The following CCSER1 variants were observed in gnomAD, a reference collection of about 807,000 sequenced individuals.
CCSER1 encodes the protein coiled-coil serine rich protein 1.
CCSER1 carries 41 observed loss-of-function variants against 82.0 expected under a neutral mutation model. The ratio of observed to expected loss-of-function variants is 0.50; its 90% CI spans 0.39 to 0.65. CCSER1 has a LOEUF of 0.65. Ranked by LOEUF, CCSER1 falls within the 30% of genes least tolerant of loss-of-function variation. CCSER1 has a pLI of 0.00. For synonymous variants in CCSER1, 414 were observed against 383.9 expected (o/e 1.08, Z -0.92); for missense variants, 1,119 against 1,064.2 (o/e 1.05, Z -0.72).
At chr4:91,413,052 C>T (rs1268446324) in intron 10 of CCSER1, among the ~76,000 whole-genome samples, 1 of 151,862 alleles carries the variant, frequency 6.6e-6, no homozygotes, top group East Asian at 1.9e-4. Flanking sequence ...GAAACCCAAA[C>T]AGAAATCCTG....
At chr4:90,524,424 G>A (rs1455221436) in intron 5 of CCSER1, among the ~76,000 whole-genome samples, 1 of 152,116 alleles carries the variant, frequency 6.6e-6, no homozygotes, top group Non-Finnish European at 1.5e-5. Context: ...AGTACCTTGT[G>A]TCTAATTCTT....
chr4:91,440,466 A>G (rs1206353522), intron 10 of CCSER1, among the ~76,000 whole-genome samples: 1 of 152,240 alleles, frequency 6.6e-6, no homozygotes, highest in Non-Finnish European at 1.5e-5. Flanking sequence ...ACACGTTCAA[A>G]GCAGTGTGTA....
chr4:90,943,542 G>A (rs888362852), intron 9 of CCSER1, among the ~76,000 whole-genome samples: 11 of 151,862 alleles, frequency 7.2e-5, no homozygotes, highest in African/African-American at 2.2e-4. Context: ...TACTCTAAAA[G>A]GGAGAGAGAC....
chr4:90,801,454 C>T (rs976646407), intron 7 of CCSER1, among the ~76,000 whole-genome samples: 8 of 152,118 alleles, frequency 5.3e-5, no homozygotes, highest in South Asian at 2.1e-4. Context: ...AGATTTATAT[C>T]GGTAAGAATT....
chr4:90,663,795 C>A, intron 6 of CCSER1: 1 of 231,618 alleles, frequency 4.3e-6, no homozygotes, highest in Non-Finnish European at 9.7e-6. Flanking sequence ...CTATTAGTTC[C>A]ATCTGTATGA....
At chr4:91,088,898 T>A (rs1436611537) in intron 10 of CCSER1, among the ~76,000 whole-genome samples, 1 of 152,142 alleles carries the variant, frequency 6.6e-6, no homozygotes, top group Non-Finnish European at 1.5e-5. Context: ...GTTACTGTAA[T>A]TTTTCTTAAA....
At position 90,247,407 on chromosome 4, in the gene CCSER1, A is replaced by G. The variant is rs377272386; in HGVS notation, c.-41-60837A>G. On this transcript the variant is annotated intron_variant, in intron 1 of 10. Coordinates refer to ENST00000509176, the MANE Select transcript of CCSER1 (RefSeq NM_001145065.2). ...TCACAACAATATCGGAATAATATAG[A>G]TAGAAAATATAACAAGAAAATATAT... 4.5e-4 allele frequency among the ~76,000 whole-genome samples: 69 copies of G among 152,294 alleles called. 1 individual carries two copies. The South Asian group carries it at 0.013, about 28-fold the overall frequency.
chr4:90,598,241 A>G (rs752889967), intron 5 of CCSER1, among the ~76,000 whole-genome samples: 20 of 151,924 alleles, frequency 1.3e-4, no homozygotes, highest in Non-Finnish European at 2.4e-4. Context: ...GGCTGCACCA[A>G]TTTATTTTTT....
chr4:91,460,316 G>A (rs991848887), intron 10 of CCSER1, among the ~76,000 whole-genome samples: 1 of 151,984 alleles, frequency 6.6e-6, no homozygotes, highest in Non-Finnish European at 1.5e-5. Context: ...GTCTCTTGTT[G>A]GATTTTCGGC....
intron 1 of CCSER1, among the ~76,000 whole-genome samples, chr4:90,183,274 C>A (rs1269883861): frequency 1.3e-5 from 2 of 152,112 alleles, no homozygotes; most frequent in African/African-American, 4.8e-5. Context: ...CTATGACCTC[C>A]AAACACACAC....
At chr4:91,443,561 G>A (rs1755348231) in intron 10 of CCSER1, among the ~76,000 whole-genome samples, 1 of 149,882 alleles carries the variant, frequency 6.7e-6, no homozygotes, top group South Asian at 2.1e-4. Flanking sequence ...GCTAAATGAT[G>A]AGTTAATGGG....
chr4:90,851,883 T>C (rs1763936208), intron 8 of CCSER1, among the ~76,000 whole-genome samples: 1 of 152,202 alleles, frequency 6.6e-6, no homozygotes, highest in African/African-American at 2.4e-5. Context: ...TCCTCAGTTT[T>C]TTAATTTGCC....
intron 1 of CCSER1, among the ~76,000 whole-genome samples, chr4:90,174,244 G>A (rs1181423579): frequency 6.6e-6 from 1 of 151,786 alleles, no homozygotes; most frequent in Non-Finnish European, 1.5e-5. Context: ...GTATATACCA[G>A]GAGTTTACAA....
chr4:91,101,959 T>A (rs1404477549), intron 10 of CCSER1, among the ~76,000 whole-genome samples: 1 of 152,190 alleles, frequency 6.6e-6, no homozygotes, highest in Non-Finnish European at 1.5e-5. Flanking sequence ...ACTTTGTATT[T>A]GAGAGACTGA....
At chr4:90,724,558 T>C in intron 7 of CCSER1, 1 of 234,174 alleles carries the variant, frequency 4.3e-6, no homozygotes, top group Non-Finnish European at 8.7e-6. Context: ...TACGAAGTCT[T>C]GTTTTGCCAC....
chr4:91,207,947 T>C (rs1736480766), intron 10 of CCSER1, among the ~76,000 whole-genome samples: 1 of 152,048 alleles, frequency 6.6e-6, no homozygotes, highest in African/African-American at 2.4e-5. Flanking sequence ...GGTATGTCAT[T>C]GTGGTTTTGA....
chr4:91,122,992 T>G lies in CCSER1; in HGVS notation c.2217+36998T>G, dbSNP rs368862154. 2.8e-3 allele frequency among the ~76,000 whole-genome samples: 432 copies of G among 151,856 alleles called. 1 individual carries two copies. Among genetic ancestry groups the G allele is most frequent in the African/African-American group, 9.8e-3 (407 of 41,530 alleles). On this transcript the variant is annotated intron_variant, in intron 10 of 10. Coordinates refer to ENST00000509176, the MANE Select transcript of CCSER1 (RefSeq NM_001145065.2). ...GAAAATTCAGGGGACCTAACCAAAT[T>G]TTCATATAGGGCAGAATACTATTTC...
chr4:90,711,363 C>T (rs1740578005), intron 6 of CCSER1, among the ~76,000 whole-genome samples: 1 of 152,076 alleles, frequency 6.6e-6, no homozygotes. Context: ...ACTTCCAATA[C>T]TGTGTTGAAT....
chr4:90,628,059 C>T lies in CCSER1; in HGVS notation c.1759C>T (p.Gln587Ter). 1 of 1,613,190 alleles carries T rather than the reference C, an allele frequency of 6.2e-7. No homozygotes were observed. The highest frequency in any genetic ancestry group is 8.5e-7 in the Non-Finnish European group (1 of 1,179,596). The change falls in exon 6 of 11, where the codon CAA becomes TAA. Residue 587 changes from glutamine to a stop codon, truncating the protein, a stop_gained. Coordinates refer to ENST00000509176, the MANE Select transcript of CCSER1 (RefSeq NM_001145065.2). LOFTEE classifies it high-confidence loss of function. Reference protein sequence around the residue: ...LSLKLTKDVDQEARCSHISRM... With the variant: ...LSLKLTKDVD The stretch of plus-strand genomic sequence containing the variant: ...CCTGAAATTAACAAAGGACGTTGAT[C>T]AAGAAGCCAGGTGTTCCCACATCAG...
Sources: gnomAD v4.1 joint callset for allele counts (sites outside exome capture counted in the v4.1 genomes callset) on GRCh38, gnomAD v4.1.1 for gene constraint, MANE v1.5 for transcripts, NCBI Gene and HGNC (gene_info 2026-07-23, HGNC 2026-07-21) for gene names.